Variants in AFF1 observed in about 807,000 individuals in gnomAD.
The protein encoded by AFF1 is ALF transcription elongation factor 1.
Under a neutral mutation model 121.7 loss-of-function variants are expected in AFF1, and 48 were observed. The ratio of observed to expected loss-of-function variants is 0.39; its 90% CI spans 0.31 to 0.50. AFF1 has a LOEUF of 0.50. Ranked by LOEUF, AFF1 falls within the 20% of genes least tolerant of loss-of-function variation. The pLI, the probability that AFF1 is intolerant of heterozygous loss-of-function variation, is 0.76. For missense variants in AFF1, 1,523 were observed against 1,511.7 expected, an observed-to-expected ratio of 1.01 and a Z score of -0.12; for synonymous variants, 613 against 563.0, an observed-to-expected ratio of 1.09 and a Z score of -1.26.
At position 87,094,982 on chromosome 4, in the gene AFF1, C is replaced by T. The variant is rs781589253; in HGVS notation, c.1283+13C>T. 10 of 1,610,106 alleles carry T rather than the reference C, an allele frequency of 6.2e-6. No homozygotes were observed. Among genetic ancestry groups the T allele is most frequent in the Non-Finnish European group, 7.7e-6 (9 of 1,176,392 alleles). On this transcript the variant is annotated intron_variant, in intron 8 of 20. Transcript: ENST00000395146. ...AAGGAACGTCATCGTAAGTGAAATG[C>T]TTTTTGTGTATTAAAATTTTGTAGT...
rs148578175 is a variant in AFF1 at position 87,114,964 on chromosome 4, G to A, written c.2131G>A (p.Val711Ile). The A allele has an allele frequency of 6.8e-3, 10,968 of 1,613,282 alleles. 76 individuals are homozygous for A. The highest frequency in any genetic ancestry group is 0.034 in the Middle Eastern group (203 of 6,058). ...EDRTPEHFALVPLTESQGPPH... is the reference protein window; with the variant it reads ...EDRTPEHFALIPLTESQGPPH... ...CAGGACCCCTGAGCACTTTGCTCTT[G>A]TTCCCCTGACTGAGAGCCAGGGCCC... The change falls in exon 12 of 21, where the codon GTT becomes ATT. Residue 711 changes from valine (V) to isoleucine (I), a missense_variant. Val to Ile is a conservative substitution (Grantham distance 29). Coordinates refer to ENST00000395146, the MANE Select transcript of AFF1 (RefSeq NM_001166693.3).
intron 2 of AFF1, among the ~76,000 whole-genome samples, chr4:86,966,756 A>T (rs947244837): frequency 1.3e-5 from 2 of 152,058 alleles, no homozygotes; most frequent in East Asian, 3.9e-4. Context: ...TTCTAATTTA[A>T]TCATTCCTCC....
intron 4 of AFF1, among the ~76,000 whole-genome samples, chr4:87,076,132 G>A (rs1027024539): frequency 2.0e-5 from 3 of 152,110 alleles, no homozygotes; most frequent in Non-Finnish European, 4.4e-5. Flanking sequence ...CAGTGGTTGT[G>A]ATGCACTACC....
chr4:86,995,830 C>T (rs1578923310), intron 2 of AFF1, among the ~76,000 whole-genome samples: 2 of 149,820 alleles, frequency 1.3e-5, no homozygotes, highest in Admixed American at 1.3e-4. Context: ...AAGTGAGGAG[C>T]GTCTCTGCCT....
intron 1 of AFF1, among the ~76,000 whole-genome samples, chr4:86,942,769 ATC>A (rs977507511): frequency 4.5e-4 from 69 of 152,008 alleles, no homozygotes; most frequent in Non-Finnish European, 2.9e-4. Flanking sequence ...TATGAATGAG[ATC>A]TCTCGTTCAT....
intron 2 of AFF1, among the ~76,000 whole-genome samples, chr4:87,019,748 G>C (rs188896916): frequency 6.6e-6 from 1 of 152,150 alleles, no homozygotes. Flanking sequence ...ACAATAAACC[G>C]TTAAACGTTA....
intron 4 of AFF1, among the ~76,000 whole-genome samples, chr4:87,061,158 G>A (rs1272340392): frequency 6.6e-6 from 1 of 152,170 alleles, no homozygotes; most frequent in African/African-American, 2.4e-5. Context: ...ACTGTGGTTT[G>A]TTTTGCTTAC....
At chr4:87,081,319 G>A (rs1317773242) in intron 4 of AFF1, among the ~76,000 whole-genome samples, 3 of 151,768 alleles carry the variant, frequency 2.0e-5, no homozygotes, top group Admixed American at 6.6e-5. Flanking sequence ...CCGCCACCAC[G>A]CCTGGCTAAT....
In AFF1 at chr4:87,127,736, TGTTTTCTGATA is replaced by T. The variant is rs760405236; in HGVS notation, c.2964+36_2964+46del. On this transcript the variant is annotated intron_variant, in intron 16 of 20. Transcript: ENST00000395146. ...TTGGCCCTTTATCTCTTTGGTAGAA[TGTTTTCTGATA>T]GTAAAAAAAATTTTTGGTAGTCTCC... is the stretch of plus-strand genomic sequence containing the variant. 3.7e-6 allele frequency: 6 copies of T among 1,608,820 alleles called. No individual in the cohort carries two copies. The East Asian group carries it at 1.3e-4, about 36-fold the overall frequency.
chr4:87,084,035 T>C (rs1723431986), intron 4 of AFF1, 85 bp from the exon 5 acceptor site: 1 of 1,241,092 alleles, frequency 8.1e-7, no homozygotes, highest in Admixed American at 1.7e-5. Flanking sequence ...GAGATGAGTA[T>C]TGCTGCATTA....
intron 2 of AFF1, among the ~76,000 whole-genome samples, chr4:87,023,897 G>C (rs944584258): frequency 2.6e-5 from 4 of 152,180 alleles, no homozygotes; most frequent in Non-Finnish European, 5.9e-5. Context: ...AAGATTACTT[G>C]GAGGAGACTG....
Position 87,134,464 on chromosome 4 carries a change from C to G in AFF1, c.3312-7C>G. 3 of 1,581,656 alleles carry G rather than the reference C, an allele frequency of 1.9e-6. No individual in the cohort carries two copies. Among genetic ancestry groups the G allele is most frequent in the Non-Finnish European group, 1.7e-6 (2 of 1,165,216 alleles). On this transcript the variant is annotated splice_region_variant and splice_polypyrimidine_tract_variant and intron_variant, in intron 19 of 20. Transcript: ENST00000395146. ...TGATCAGTTATCTCTTCTCTTCCAC[C>G]TCCCAGAAGCACAGGCACACCATCC...
chr4:87,049,100 G>A lies in AFF1; in HGVS notation c.1059+1506G>A, dbSNP rs868649656. 2.4e-3 allele frequency among the ~76,000 whole-genome samples: 349 copies of A among 146,266 alleles called. 2 individuals are homozygous for A. Among genetic ancestry groups the A allele is most frequent in the African/African-American group, 6.6e-3 (267 of 40,310 alleles). On this transcript the variant is annotated intron_variant, in intron 4 of 20. Coordinates refer to ENST00000395146, the MANE Select transcript of AFF1 (RefSeq NM_001166693.3). Reference sequence around the variant, plus strand: ...AGTTTAAAAAAAAAAAAAAAAGGGGGGGGGGGGACAACTTAACATTCTTTC... The same window carrying A: ...AGTTTAAAAAAAAAAAAAAAAGGGGAGGGGGGGACAACTTAACATTCTTTC...
At chr4:87,004,734 C>T (rs892418017) in intron 2 of AFF1, among the ~76,000 whole-genome samples, 1 of 152,164 alleles carries the variant, frequency 6.6e-6, no homozygotes, top group African/African-American at 2.4e-5. Flanking sequence ...TTGGGATGCC[C>T]AACCCAAACA....
chr4:87,126,283 C>A lies in AFF1; in HGVS notation c.2758C>A (p.Pro920Thr). 1 of 1,614,068 alleles carries A rather than the reference C, an allele frequency of 6.2e-7. No homozygotes were observed. Among genetic ancestry groups the A allele is most frequent in the Non-Finnish European group, 8.5e-7 (1 of 1,180,020 alleles). The change falls in exon 14 of 21, where the codon CCC (proline) becomes ACC (threonine). Residue 920 changes from proline to threonine, a missense_variant. By Grantham distance (38) the Pro-to-Thr change is conservative (BLOSUM62 -1). This residue lies in a region of AFF1 where 905 missense variants were observed against 842.5 expected (regional missense o/e 1.07). Coordinates refer to ENST00000395146, the MANE Select transcript of AFF1 (RefSeq NM_001166693.3). ...GAGCAACCACAAAGACTCTTCCATT[C>A]CCAAGCAGAGAAGAGTAGAGGGGAA... ...TKSNHKDSSI[P>T]KQRRVEGKGS... is the part of the protein sequence containing the mutation.
intron 18 of AFF1, 57 bp downstream of exon 18, chr4:87,131,921 T>C: frequency 7.2e-7 from 1 of 1,379,928 alleles, no homozygotes; most frequent in Non-Finnish European, 9.8e-7. Flanking sequence ...CTGTTGATGT[T>C]ACAAAAAGAT....
chr4:87,117,722 A>G (rs1002668841), intron 12 of AFF1, among the ~76,000 whole-genome samples: 31 of 152,212 alleles, frequency 2.0e-4, no homozygotes, highest in African/African-American at 7.2e-4. Context: ...AATATAAAAA[A>G]CCAGTCAACC....
chr4:86,945,907 A>G (rs965161586), intron 1 of AFF1, among the ~76,000 whole-genome samples: 3 of 152,148 alleles, frequency 2.0e-5, no homozygotes, highest in African/African-American at 7.2e-5. Flanking sequence ...GAAAGCTACT[A>G]TTAACAGTTT....
At chr4:87,012,754 G>C (rs771792408) in intron 2 of AFF1, among the ~76,000 whole-genome samples, 3 of 152,126 alleles carry the variant, frequency 2.0e-5, no homozygotes, top group Non-Finnish European at 2.9e-5. Flanking sequence ...ATAACTTTTG[G>C]TGCTAATGCC....
Sources: gnomAD v4.1 joint callset for allele counts (sites outside exome capture counted in the v4.1 genomes callset) on GRCh38, gnomAD v4.1.1 for gene constraint, gnomAD v4.1.1 regional missense constraint, MANE v1.5 for transcripts, NCBI Gene and HGNC (gene_info 2026-07-23, HGNC 2026-07-21) for gene names.